Variants in TMCO5A observed in about 807,000 individuals in gnomAD.
The protein encoded by TMCO5A is transmembrane and coiled-coil domain-containing protein 5A.
In TMCO5A, 34 loss-of-function variants were observed where a neutral mutation model predicts 42.3. The observed-to-expected ratio is 0.80, with a 90% confidence interval of 0.61 to 1.07. TMCO5A has a LOEUF of 1.07. Ranked by LOEUF, TMCO5A falls within the 50% of genes least tolerant of loss-of-function variation. The pLI is 0.00. For synonymous variants in TMCO5A, 131 were observed against 115.6 expected, an observed-to-expected ratio of 1.13 and a Z score of -0.86; for missense variants, 357 against 327.9, an observed-to-expected ratio of 1.09 and a Z score of -0.69.
chr15:37,969,015 TG>T (rs780405000), downstream of TMCO5A, among the ~76,000 whole-genome samples: 7 of 152,214 alleles, frequency 4.6e-5, no homozygotes, highest in Non-Finnish European at 1.5e-5. Flanking sequence ...AATACATGGA[TG>T]AAGAAGACAT....
the TMCO5A span, among the ~76,000 whole-genome samples, chr15:37,973,643 T>C: frequency 0.024 from 3,642 of 152,274 alleles, 149 homozygotes; most frequent in African/African-American, 0.083. Flanking sequence ...CTGAAGTTGT[T>C]TATCAGCTGA....
At chr15:37,989,134 ACT>A in the TMCO5A span, among the ~76,000 whole-genome samples, 2,132 of 151,754 alleles carry the variant, frequency 0.014, 42 homozygotes, top group African/African-American at 0.049. Flanking sequence ...TATTCATAGT[ACT>A]CTCTTATAAT....
At chr15:38,032,228 TA>T in the TMCO5A span, among the ~76,000 whole-genome samples, 1 of 152,194 alleles carries the variant, frequency 6.6e-6, no homozygotes, top group Non-Finnish European at 1.5e-5. Context: ...GTGCTGGGAT[TA>T]CAGGCATGAG....
intron 10 of TMCO5A, among the ~76,000 whole-genome samples, chr15:37,946,270 G>A (rs1889951121): frequency 6.6e-6 from 1 of 152,142 alleles, no homozygotes; most frequent in Non-Finnish European, 1.5e-5. Flanking sequence ...CTGTAGCCTT[G>A]TAATATAGTT....
chr15:37,974,866 T>C, the TMCO5A span, among the ~76,000 whole-genome samples: 2,999 of 152,282 alleles, frequency 0.02, 102 homozygotes, highest in African/African-American at 0.068. Flanking sequence ...TTCTATTTGA[T>C]GTGGGCATTT....
At chr15:37,981,527 A>G in the TMCO5A span, among the ~76,000 whole-genome samples, 1 of 152,180 alleles carries the variant, frequency 6.6e-6, no homozygotes, top group Admixed American at 6.5e-5. Flanking sequence ...CTTTAAAAAA[A>G]CCTTTCTAGC....
the TMCO5A span, among the ~76,000 whole-genome samples, chr15:38,035,730 A>G: frequency 6.6e-6 from 1 of 152,172 alleles, no homozygotes; most frequent in Admixed American, 6.5e-5. Flanking sequence ...CTGTACTGGG[A>G]ATGTTAACCC....
At chr15:37,946,472 T>C (rs1889962695) in intron 10 of TMCO5A, among the ~76,000 whole-genome samples, 1 of 152,202 alleles carries the variant, frequency 6.6e-6, no homozygotes, top group Admixed American at 6.6e-5. Flanking sequence ...ATTTTCATGA[T>C]ATTGATTCTT....
At chr15:37,947,436 CTTAGT>C (rs778580136) in intron 10 of TMCO5A, among the ~76,000 whole-genome samples, 2 of 151,906 alleles carry the variant, frequency 1.3e-5, no homozygotes, top group Non-Finnish European at 2.9e-5. Flanking sequence ...CTTTCTGTGC[CTTAGT>C]TTAGTCATAT....
At chr15:37,953,984 A>G (rs901617446), downstream of TMCO5A, among the ~76,000 whole-genome samples, 1 of 151,984 alleles carries the variant, frequency 6.6e-6, no homozygotes, top group African/African-American at 2.4e-5. Flanking sequence ...TAGTGAGCTT[A>G]AAGACAGGCT....
At chr15:37,976,001 T>C in the TMCO5A span, among the ~76,000 whole-genome samples, 7 of 150,914 alleles carry the variant, frequency 4.6e-5, no homozygotes, top group East Asian at 1.4e-3. Context: ...CCCAGCACTT[T>C]GGGAGACCAA....
chr15:37,977,407 CA>C, the TMCO5A span, among the ~76,000 whole-genome samples: 1 of 152,174 alleles, frequency 6.6e-6, no homozygotes, highest in Non-Finnish European at 1.5e-5. Context: ...ATGTTTTCAG[CA>C]GGCTGAGGCT....
chr15:37,965,661 T>G (rs1890538612), intron 11 of TMCO5A, among the ~76,000 whole-genome samples: 1 of 152,176 alleles, frequency 6.6e-6, no homozygotes. Context: ...TGAAAGGTAC[T>G]TGACATCATT....
the TMCO5A span, among the ~76,000 whole-genome samples, chr15:38,029,913 G>T: frequency 6.6e-6 from 1 of 152,108 alleles, no homozygotes; most frequent in Non-Finnish European, 1.5e-5. Flanking sequence ...ACTTGCTGTT[G>T]CACAATGGTT....
chr15:37,970,471 C>T (rs1361069149), downstream of TMCO5A, among the ~76,000 whole-genome samples: 1 of 152,196 alleles, frequency 6.6e-6, no homozygotes, highest in Non-Finnish European at 1.5e-5. Context: ...CACAGTCAAA[C>T]CATATCATTC....
chr15:37,943,467 A>C, intron 10 of TMCO5A, 69 bp downstream of exon 10: 1 of 1,498,974 alleles, frequency 6.7e-7, no homozygotes, highest in Non-Finnish European at 9.2e-7. Flanking sequence ...CCAGCAAACT[A>C]TAAGGCACCA....
At chr15:37,973,638 G>A in the TMCO5A span, among the ~76,000 whole-genome samples, 1 of 152,148 alleles carries the variant, frequency 6.6e-6, no homozygotes, top group South Asian at 2.1e-4. Flanking sequence ...CTTTGCTGAA[G>A]TTGTTTATCA....
intron 6 of TMCO5A, 63 bp downstream of exon 6, chr15:37,938,292 T>C (rs1889602043): frequency 1.2e-5 from 16 of 1,389,822 alleles, no homozygotes; most frequent in Non-Finnish European, 1.6e-5. Flanking sequence ...AGCTGTTAAG[T>C]TGGAAATCAA....
At chr15:38,025,319 G>A in the TMCO5A span, among the ~76,000 whole-genome samples, 3 of 151,866 alleles carry the variant, frequency 2.0e-5, no homozygotes, top group Admixed American at 6.6e-5. Context: ...AACCTTTTTG[G>A]GGGTCTTTTT....
Sources: gnomAD v4.1 joint callset for allele counts (sites outside exome capture counted in the v4.1 genomes callset) on GRCh38, gnomAD v4.1.1 for gene constraint, MANE v1.5 for transcripts, NCBI Gene and HGNC (gene_info 2026-07-23, HGNC 2026-07-21) for gene names.